ATG2B: variants seen among roughly 807,000 people sequenced by gnomAD.
The protein encoded by ATG2B is autophagy-related protein 2 homolog B.
ATG2B carries 121 observed loss-of-function variants against 241.3 expected under a neutral mutation model. The observed-to-expected ratio is 0.50, with a 90% CI of 0.43 to 0.58. ATG2B has a LOEUF of 0.58. Among genes scored for constraint, ATG2B ranks in the 20% least tolerant of loss-of-function variants. The pLI, the probability that ATG2B is intolerant of heterozygous loss-of-function variation, is 0.00. For synonymous variants in ATG2B, 858 were observed against 876.6 expected (o/e 0.98, Z 0.37); for missense variants, 2,306 against 2,491.6 (o/e 0.93, Z 1.59).
Position 96,290,079 on chromosome 14 carries a change from A to G in ATG2B, c.5857-274T>C. The G allele has an allele frequency of 1.7e-6, 2 of 1,204,750 alleles. No individual in the cohort carries two copies. Among genetic ancestry groups the G allele is most frequent in the Non-Finnish European group, 2.1e-6 (2 of 938,950 alleles). 74.6% of individuals were successfully genotyped at this position (1,204,750 alleles called of 1,614,324 possible). A position where few individuals can be genotyped will look rare whatever the true frequency, so the allele number is the denominator to read the frequency against. On this transcript the variant is annotated intron_variant, in intron 40 of 41. Coordinates refer to ENST00000359933, the MANE Select transcript of ATG2B (RefSeq NM_018036.7). This position sits in a 1 kb window ranked among gnomAD's most constrained non-coding sequence, Gnocchi z 4.4. ...ACACTCAACATTTCCACATCAGTCT[A>G]TGGAGCTTAATACTTACTAGAATGA...
At chr14:96,337,117 C>G (rs1412389736) in intron 6 of ATG2B, among the ~76,000 whole-genome samples, 1 of 152,158 alleles carries the variant, frequency 6.6e-6, no homozygotes, top group Admixed American at 6.5e-5. Flanking sequence ...CTTACTGTAT[C>G]TTTTACCAAG....
In ATG2B at chr14:96,283,780, G is replaced by A. The variant is rs1415442422; in HGVS notation, c.*1975C>T. ...AGAATCTCAGGTAAAGAACATCTTG[G>A]CTGAACTGACAACGAATCTTTTTGA... is the stretch of plus-strand genomic sequence containing the variant. On this transcript the variant is annotated 3_prime_UTR_variant, in exon 42 of 42. Transcript: ENST00000359933. 1 of 152,206 alleles carries A rather than the reference G, an allele frequency of 6.6e-6. No homozygotes were observed. The highest frequency in any genetic ancestry group is 2.4e-5 in the African/African-American group (1 of 41,456). The allele number at this position is 152,206 out of a possible 1,614,324, so 9.4% of individuals were successfully genotyped here.
In ATG2B at chr14:96,341,696, A is replaced by G; in HGVS notation, c.750T>C (p.Thr250=). Residue 250 remains threonine, a synonymous_variant, in exon 6 of 42, where the codon ACT becomes ACC. Coordinates refer to ENST00000359933, the MANE Select transcript of ATG2B (RefSeq NM_018036.7). ...TCCAGCTAGGTGAGAGCTTTGGCTC[A>G]GTTTCCTACAATAAAGTGACAAAAA... ...SPVCSTAPVE[T]EPKLSPSWNP... The G allele has an allele frequency of 2.6e-6, 4 of 1,553,670 alleles. No homozygotes were observed. The highest frequency in any genetic ancestry group is 1.3e-5 in the South Asian group (1 of 77,752).
In ATG2B at chr14:96,315,477, A is replaced by G. The variant is rs778834498; in HGVS notation, c.3468T>C (p.Ser1156=). 132 of 1,614,034 alleles carry G rather than the reference A, an allele frequency of 8.2e-5. 3 individuals are homozygous for G. In the South Asian group the frequency reaches 1.4e-3, roughly 17 times the overall value. ...CTCCAACTCCATCTGAAGAAGTTTT[A>G]CTGAGGCCATCTTCTTCAGAGGAAT... The part of the protein sequence containing the change: ...TIYSSEEDGL[S]KTSSDGVGGD... The change falls in exon 22 of 42, where the codon AGT becomes AGC. Residue 1156 remains serine, a synonymous_variant. Coordinates refer to ENST00000359933, the MANE Select transcript of ATG2B (RefSeq NM_018036.7).
At chr14:96,361,608 T>C (rs530062005) in intron 1 of ATG2B, among the ~76,000 whole-genome samples, 18 of 152,288 alleles carry the variant, frequency 1.2e-4, no homozygotes, top group Middle Eastern at 3.4e-3. Context: ...TACAATACCA[T>C]AAGACGGACG....
rs554400814 is a variant in ATG2B, at chr14:96,343,246, G to A, written c.617C>T (p.Ser206Leu). ...VYCDETADESSGINVHQPTAF... is the reference protein window; with the variant it reads ...VYCDETADESLGINVHQPTAF... ...AGTGGGTTGATGCACATTAATTCCT[G>A]AGGATTCGTCAGCAGTTTCATCACA... Residue 206 changes from serine (S) to leucine (L), a missense_variant, in exon 5 of 42, where the codon TCA becomes TTA. Physicochemically the swap from Ser to Leu is moderately radical, Grantham distance 145. This residue lies in a region of ATG2B where 1,927 missense variants were observed against 2,011.2 expected (regional missense o/e 0.96). Coordinates refer to ENST00000359933, the MANE Select transcript of ATG2B (RefSeq NM_018036.7). 3 of 1,608,502 alleles carry A rather than the reference G, an allele frequency of 1.9e-6. No homozygotes were observed. The East Asian group carries it at 6.7e-5, about 36-fold the overall frequency.
intron 10 of ATG2B, 144 bp downstream of exon 10, chr14:96,332,161 T>A: frequency 1.6e-6 from 1 of 614,976 alleles, no homozygotes. Flanking sequence ...TCACAGTGAA[T>A]TGTTTAACAA....
chr14:96,308,284 T>TATATATATA (rs1566720015), intron 29 of ATG2B, among the ~76,000 whole-genome samples: 26 of 42,964 alleles, frequency 6.1e-4, no homozygotes, highest in Non-Finnish European at 1.0e-3. Context: ...ATATATATAT[T>TATATATATA]TTTTTTTTTT....
rs1291707971 is a variant in ATG2B at position 96,281,797 on chromosome 14, C to T, written c.*3958G>A. On this transcript the variant is annotated 3_prime_UTR_variant, in exon 42 of 42. Transcript: ENST00000359933. ...GAAGCAACATGCTTGAAATCAAGGG[C>T]CAACAATTGTTGTAGGAAAGCAAAA... The T allele has an allele frequency of 6.6e-6, 1 of 152,166 alleles. No homozygotes were observed. The highest frequency in any genetic ancestry group is 1.5e-5 in the Non-Finnish European group (1 of 68,044). The allele number at this position is 152,166 out of a possible 1,614,324, so 9.4% of individuals were successfully genotyped here. A position where few individuals can be genotyped will look rare whatever the true frequency, so the allele number is the denominator to read the frequency against.
rs915640815 is a variant in ATG2B, at chr14:96,312,978, G to A, written c.3842+87C>T. The A allele has an allele frequency of 7.9e-5, 65 of 826,764 alleles. 1 individual carries two copies. The Admixed American group carries it at 1.7e-3, about 22-fold the overall frequency. The allele number at this position is 826,764 out of a possible 1,614,324, so 51.2% of individuals were successfully genotyped here. On this transcript the variant is annotated intron_variant, in intron 25 of 41. Transcript: ENST00000359933. ...GTAAAAGAACGTTTAACAAAAAATT[G>A]AGACTTTAATAAAATGGTTTAGGTA...
Position 96,291,002 on chromosome 14 carries a change from G to T in ATG2B, c.5580-67C>A, listed in dbSNP as rs79951626. On this transcript the variant is annotated intron_variant, in intron 38 of 41. Coordinates refer to ENST00000359933, the MANE Select transcript of ATG2B (RefSeq NM_018036.7). The stretch of plus-strand genomic sequence containing the variant: ...TTTATAGACACAGATTAGTTTGAGG[G>T]TTTTTTTTTACTTAAAACAAATTCT... 1,511 of 1,315,852 alleles carry T rather than the reference G, an allele frequency of 1.1e-3. 18 individuals carry two copies. The African/African-American group carries it at 0.021, about 18-fold the overall frequency. 81.5% of individuals were successfully genotyped at this position (1,315,852 alleles called of 1,614,324 possible). A position where few individuals can be genotyped will look rare whatever the true frequency, so the allele number is the denominator to read the frequency against.
chr14:96,357,630 A>G (rs1040328967), intron 1 of ATG2B, among the ~76,000 whole-genome samples: 1 of 152,036 alleles, frequency 6.6e-6, no homozygotes, highest in Non-Finnish European at 1.5e-5. Context: ...AGGTACCACA[A>G]GTTACGGTCA....
At position 96,290,399 on chromosome 14, in the gene ATG2B, C is replaced by T. The variant is rs1413333530; in HGVS notation, c.5856+37G>A. The T allele has an allele frequency of 3.8e-6, 6 of 1,589,470 alleles. 1 individual carries two copies. The South Asian group carries it at 6.8e-5, about 18-fold the overall frequency. ...AAAGGACCCAACCATTTCACAATGG[C>T]TCTTTTTGGATAGACTAAGGCAGTC... On this transcript the variant is annotated intron_variant, in intron 40 of 41. Coordinates refer to ENST00000359933, the MANE Select transcript of ATG2B (RefSeq NM_018036.7). This position sits in a 1 kb window ranked among gnomAD's most constrained non-coding sequence, Gnocchi z 4.4.
Position 96,309,450 on chromosome 14 carries a change from T to C in ATG2B, c.4303+3A>G. The C allele has an allele frequency of 6.2e-7, 1 of 1,613,332 alleles. No homozygotes were observed. Among genetic ancestry groups the C allele is most frequent in the Non-Finnish European group, 8.5e-7 (1 of 1,179,586 alleles). ...TGCTCCCTGAGAAGAGTCCTGGTCT[T>C]ACCATTAGCCTGTGGTTTTACTGAC... On this transcript the variant is annotated splice_donor_region_variant and intron_variant, in intron 29 of 41. Transcript: ENST00000359933.
At chr14:96,288,302 G>A (rs1566711947) in intron 41 of ATG2B, among the ~76,000 whole-genome samples, 1 of 152,148 alleles carries the variant, frequency 6.6e-6, no homozygotes, top group Non-Finnish European at 1.5e-5. Context: ...TTGGCACAAA[G>A]TAAGCACACA....
chr14:96,306,833 G>T lies in ATG2B; in HGVS notation c.4387C>A (p.Gln1463Lys), dbSNP rs573967990. 15 of 1,613,972 alleles carry T rather than the reference G, an allele frequency of 9.3e-6. No homozygotes were observed. In the South Asian group the frequency reaches 1.5e-4, roughly 17 times the overall value. The change falls in exon 30 of 42, where the codon CAG becomes AAG. Residue 1463 changes from glutamine to lysine, a missense_variant. By Grantham distance (53) the Gln-to-Lys change is moderately conservative (BLOSUM62 1). Coordinates refer to ENST00000359933, the MANE Select transcript of ATG2B (RefSeq NM_018036.7). ...GAGGCATAGGTGGGGCCGGACTCCT[G>T]GGATACATTCCCACTCTCGTCAGGA... ...LFPDESGNVS[Q>K]ESGPTYASFS...
At chr14:96,307,239 C>G (rs1886975201) in intron 29 of ATG2B, among the ~76,000 whole-genome samples, 1 of 152,044 alleles carries the variant, frequency 6.6e-6, no homozygotes, top group South Asian at 2.1e-4. Context: ...TGATGAAACC[C>G]TGTCTCTACT....
At chr14:96,286,664 T>G (rs1239153944) in intron 41 of ATG2B, among the ~76,000 whole-genome samples, 1 of 152,204 alleles carries the variant, frequency 6.6e-6, no homozygotes, top group African/African-American at 2.4e-5. Context: ...AAGCTGAATA[T>G]ACAAACATGT....
chr14:96,317,692 T>C lies in ATG2B; in HGVS notation c.3037+6A>G, dbSNP rs1887351800. The C allele has an allele frequency of 1.3e-6, 2 of 1,582,396 alleles. No individual in the cohort carries two copies. Among genetic ancestry groups the C allele is most frequent in the African/African-American group, 1.4e-5 (1 of 74,070 alleles). On this transcript the variant is annotated splice_donor_region_variant and intron_variant, in intron 19 of 41. Transcript: ENST00000359933. ...TTTAAATCAAAACAAATTAAAAATA[T>C]ATTACCATAGTGAACTGCAGATTTA...
Sources: allele counts gnomAD v4.1 joint callset (sites outside exome capture counted in the v4.1 genomes callset), GRCh38; gene constraint gnomAD v4.1.1; regional missense constraint gnomAD v4.1.1; non-coding constraint Gnocchi (gnomAD v3.1); transcripts MANE v1.5; gene names NCBI Gene and HGNC (gene_info 2026-07-23, HGNC 2026-07-21).